The following CNBD1 variants were observed in gnomAD, a reference collection of about 807,000 sequenced individuals.
CNBD1 encodes the protein cyclic nucleotide-binding domain-containing protein 1.
Under a neutral mutation model 54.4 loss-of-function variants are expected in CNBD1, and 71 were observed. The ratio of observed to expected loss-of-function variants is 1.30; its 90% CI spans 1.08 to 1.59. CNBD1 has a LOEUF of 1.59. Among genes scored for constraint, CNBD1 ranks in the 40% most tolerant of loss-of-function variants. CNBD1 has a pLI of 0.00. For synonymous variants in CNBD1, 182 were observed against 170.7 expected (o/e 1.07, Z -0.51); for missense variants, 659 against 518.0 (o/e 1.27, Z -2.64).
In CNBD1 at chr8:87,306,227, A is replaced by G. The variant is rs550856984; in HGVS notation, c.1042+19556A>G. On this transcript the variant is annotated intron_variant, in intron 8 of 10. Transcript: ENST00000518476. ...GATACCACCTCACTCCTGCAAGAGT[A>G]GCCATAATCAAAAAATCAATAAAAC... Among the ~76,000 whole-genome samples the G allele has an allele frequency of 9.2e-5, 14 of 152,258 alleles. No individual in the cohort carries two copies. In the South Asian group the frequency reaches 2.7e-3, roughly 29 times the overall value.
In CNBD1 at chr8:87,286,655, A is replaced by G. The variant is rs941002692; in HGVS notation, c.1026A>G (p.Lys342=). ...TAATTGCACTCCTTAAATGGAAAAAATTTCCTCCAGGTCATGGTAAGTTTA... is the reference window on the plus strand; with the variant it reads ...TAATTGCACTCCTTAAATGGAAAAAGTTTCCTCCAGGTCATGGTAAGTTTA... ...YELIALLKWK[K]FPPGHVIVES... The change falls in exon 8 of 11, where the codon AAA becomes AAG. Residue 342 remains lysine, a synonymous_variant. Transcript: ENST00000518476. 2 of 1,542,328 alleles carry G rather than the reference A, an allele frequency of 1.3e-6. No homozygotes were observed. Among genetic ancestry groups the G allele is most frequent in the East Asian group, 2.5e-5 (1 of 40,714 alleles).
At chr8:87,331,406 A>T (rs772246927) in intron 8 of CNBD1, among the ~76,000 whole-genome samples, 3 of 152,142 alleles carry the variant, frequency 2.0e-5, no homozygotes, top group Non-Finnish European at 4.4e-5. Flanking sequence ...TCCTTTCTGT[A>T]GCTGCATAGT....
chr8:87,232,302 A>ACTGGGACATACGTTAGATGTT (rs537496977), intron 5 of CNBD1, among the ~76,000 whole-genome samples: 253 of 152,282 alleles, frequency 1.7e-3, no homozygotes, highest in Non-Finnish European at 3.1e-3. Flanking sequence ...AGAATGAATT[A>ACTGGGACATACGTTAGATGTT]CTGGGACATA....
chr8:87,371,322 A>G (rs537266145), intron 10 of CNBD1, among the ~76,000 whole-genome samples: 10 of 152,078 alleles, frequency 6.6e-5, no homozygotes, highest in Non-Finnish European at 1.2e-4. Context: ...CTTGGGCAGT[A>G]TGGCCATTTT....
At chr8:87,304,405 A>G (rs1203233650) in intron 8 of CNBD1, among the ~76,000 whole-genome samples, 2 of 151,940 alleles carry the variant, frequency 1.3e-5, no homozygotes, top group Non-Finnish European at 2.9e-5. Context: ...CAAACACTGC[A>G]TGTTCTCACT....
intron 5 of CNBD1, among the ~76,000 whole-genome samples, chr8:87,210,880 G>A (rs944680183): frequency 6.6e-6 from 1 of 152,180 alleles, no homozygotes; most frequent in African/African-American, 2.4e-5. Context: ...GCACTACCTA[G>A]TTGGACCTGT....
intron 3 of CNBD1, among the ~76,000 whole-genome samples, chr8:86,910,671 G>T (rs12114831): frequency 3.7e-4 from 57 of 152,304 alleles, no homozygotes; most frequent in African/African-American, 1.4e-3. Context: ...TGTGTGTTTA[G>T]GTCAGTTTAT....
intron 10 of CNBD1, among the ~76,000 whole-genome samples, chr8:87,380,981 T>A (rs765304067): frequency 6.6e-6 from 1 of 152,012 alleles, no homozygotes; most frequent in Non-Finnish European, 1.5e-5. Context: ...ACATTTGTCT[T>A]GGCAATGACT....
At chr8:86,905,821 A>T (rs1288397261) in intron 3 of CNBD1, among the ~76,000 whole-genome samples, 1 of 152,172 alleles carries the variant, frequency 6.6e-6, no homozygotes, top group African/African-American at 2.4e-5. Context: ...TAAGTGTCTT[A>T]TATCAGTGCA....
rs770826791 is a variant in CNBD1 at position 87,236,550 on chromosome 8, G to A, written c.578-369G>A. On this transcript the variant is annotated intron_variant, in intron 5 of 10. Transcript: ENST00000518476. ...TAAAATAGGAAAAATGGCATTTTGT[G>A]TATGGGAGGCTCATAAACATTAAAA... is the stretch of plus-strand genomic sequence containing the variant. Among the ~76,000 whole-genome samples, 265 of 152,148 alleles carry A rather than the reference G, an allele frequency of 1.7e-3. 6 individuals are homozygous for A. The highest frequency in any genetic ancestry group is 7.9e-4 in the Non-Finnish European group (54 of 67,938).
intron 2 of CNBD1, among the ~76,000 whole-genome samples, chr8:87,423,861 C>T (rs1469076621): frequency 7.2e-5 from 11 of 152,172 alleles, no homozygotes; most frequent in Admixed American, 7.2e-4. Flanking sequence ...GTACCAGTTC[C>T]TCCTTGTACC....
intron 4 of CNBD1, among the ~76,000 whole-genome samples, chr8:87,046,747 T>C (rs1236705511): frequency 1.3e-5 from 2 of 152,134 alleles, no homozygotes; most frequent in East Asian, 3.9e-4. Context: ...ACACACTAGG[T>C]GGGAAGGATC....
At chr8:87,362,330 A>G (rs990510158) in intron 10 of CNBD1, among the ~76,000 whole-genome samples, 14 of 152,100 alleles carry the variant, frequency 9.2e-5, no homozygotes, top group African/African-American at 3.4e-4. Flanking sequence ...TCATTCAGTG[A>G]TAACTGAGGT....
intron 8 of CNBD1, among the ~76,000 whole-genome samples, chr8:87,295,948 A>G (rs1248145560): frequency 6.6e-6 from 1 of 152,160 alleles, no homozygotes; most frequent in Non-Finnish European, 1.5e-5. Flanking sequence ...TCCAAAGTAG[A>G]ACTTTTAAAA....
intron 3 of CNBD1, among the ~76,000 whole-genome samples, chr8:86,938,934 T>C (rs1809600155): frequency 6.6e-6 from 1 of 152,236 alleles, no homozygotes; most frequent in Non-Finnish European, 1.5e-5. Context: ...AAAGGTCTAT[T>C]ATCAAGATGT....
At chr8:87,321,719 CT>C (rs1232643450) in intron 8 of CNBD1, among the ~76,000 whole-genome samples, 2 of 151,250 alleles carry the variant, frequency 1.3e-5, no homozygotes, top group African/African-American at 4.9e-5. Context: ...TCTATTTTTG[CT>C]TTTTTGTGCC....
At chr8:87,047,381 C>T (rs73690002) in intron 4 of CNBD1, among the ~76,000 whole-genome samples, 2,364 of 152,226 alleles carry the variant, frequency 0.016, 54 homozygotes, top group African/African-American at 0.052. Context: ...ATCAAGAAGC[C>T]TCCCAGTTTC....
At chr8:86,884,528 A>T (rs1808652957) in intron 1 of CNBD1, among the ~76,000 whole-genome samples, 1 of 152,226 alleles carries the variant, frequency 6.6e-6, no homozygotes, top group Non-Finnish European at 1.5e-5. Flanking sequence ...TAACATAGGT[A>T]TGTTTAGTGA....
At chr8:87,339,140 TA>T (rs1810012333) in intron 8 of CNBD1, among the ~76,000 whole-genome samples, 1 of 152,128 alleles carries the variant, frequency 6.6e-6, no homozygotes, top group Non-Finnish European at 1.5e-5. Flanking sequence ...AAGATCTTGT[TA>T]AGGAGAATGA....
Sources: allele counts gnomAD v4.1 joint callset (sites outside exome capture counted in the v4.1 genomes callset), GRCh38; gene constraint gnomAD v4.1.1; transcripts MANE v1.5; gene names NCBI Gene and HGNC (gene_info 2026-07-23, HGNC 2026-07-21).